Variants in KIF5C observed in about 807,000 individuals in gnomAD.
KIF5C encodes kinesin heavy chain isoform 5C.
In KIF5C, 18 loss-of-function variants were observed where a neutral mutation model predicts 125.2. That is an observed-to-expected ratio of 0.14 (90% confidence interval 0.10 to 0.21). The LOEUF (loss-of-function observed/expected upper bound fraction) is 0.21. Among genes scored for constraint, KIF5C ranks in the 10% least tolerant of loss-of-function variants. KIF5C has a pLI of 1.00. For missense variants in KIF5C, 780 were observed against 1,183.8 expected (o/e 0.66, Z 5.01); for synonymous variants, 405 against 434.0 (o/e 0.93, Z 0.83).
chr2:148,965,736 TC>T (rs1683034743), intron 11 of KIF5C, among the ~76,000 whole-genome samples: 1 of 152,162 alleles, frequency 6.6e-6, no homozygotes, highest in African/African-American at 2.4e-5. Context: ...TCTGAAAACG[TC>T]CCCAAGTGGA....
At chr2:148,998,543 T>C (rs1357041968) in intron 19 of KIF5C, 34 bp downstream of exon 19, 13 of 1,549,988 alleles carry the variant, frequency 8.4e-6, no homozygotes, top group Non-Finnish European at 1.7e-6. Flanking sequence ...GGTGTGGGGG[T>C]GGTCATGCCT....
chr2:149,021,420 C>A (rs1682531489), intron 25 of KIF5C, among the ~76,000 whole-genome samples: 1 of 150,630 alleles, frequency 6.6e-6, no homozygotes, highest in South Asian at 2.1e-4. Context: ...TTTTTCTATT[C>A]AGTTTCTGTT....
intron 1 of KIF5C, among the ~76,000 whole-genome samples, chr2:148,889,007 G>T: frequency 6.6e-6 from 1 of 152,108 alleles, no homozygotes; most frequent in Admixed American, 6.5e-5. Flanking sequence ...CTAGGTGATG[G>T]GCTAATGAGC....
At chr2:148,875,943 G>A (rs892477028) in intron 1 of KIF5C, among the ~76,000 whole-genome samples, 200 bp downstream of exon 1, 1 of 151,632 alleles carries the variant, frequency 6.6e-6, no homozygotes, top group African/African-American at 2.4e-5. Flanking sequence ...GCCGGGAGCG[G>A]CGGGCCGGGC....
At chr2:148,909,307 T>C (rs1239505620) in intron 1 of KIF5C, among the ~76,000 whole-genome samples, 5 of 152,248 alleles carry the variant, frequency 3.3e-5, no homozygotes, top group African/African-American at 9.6e-5. Context: ...CTGCCGCTGC[T>C]CTTCCCGCTG....
intron 15 of KIF5C, among the ~76,000 whole-genome samples, chr2:148,988,713 C>T (rs1691578418): frequency 6.6e-6 from 1 of 152,226 alleles, no homozygotes; most frequent in African/African-American, 2.4e-5. Context: ...TGGCAGAACA[C>T]ACTCAACTTA....
chr2:148,877,704 TGAA>T (rs987396393), intron 1 of KIF5C, among the ~76,000 whole-genome samples: 2 of 152,128 alleles, frequency 1.3e-5, no homozygotes, highest in African/African-American at 4.8e-5. Flanking sequence ...TTGAAGAGCC[TGAA>T]GAAGTTTTTC....
chr2:148,895,556 TTGTC>T (rs1681817155), intron 1 of KIF5C, among the ~76,000 whole-genome samples: 2 of 152,186 alleles, frequency 1.3e-5, no homozygotes, highest in Non-Finnish European at 2.9e-5. Context: ...CTGTATATAT[TTGTC>T]TGTGACTTAC....
intron 16 of KIF5C, among the ~76,000 whole-genome samples, chr2:148,992,710 G>A (rs1234445475): frequency 6.6e-6 from 1 of 152,216 alleles, no homozygotes; most frequent in Non-Finnish European, 1.5e-5. Flanking sequence ...ATATCAGGGG[G>A]AAATAGTCCA....
At chr2:149,001,828 G>A (rs1681860248) in intron 21 of KIF5C, among the ~76,000 whole-genome samples, 1 of 152,264 alleles carries the variant, frequency 6.6e-6, no homozygotes, top group Non-Finnish European at 1.5e-5. Flanking sequence ...CCGTTCATGG[G>A]TCATGTGGAT....
At chr2:148,988,152 T>A (rs957208538) in intron 15 of KIF5C, among the ~76,000 whole-genome samples, 9 of 148,340 alleles carry the variant, frequency 6.1e-5, no homozygotes, top group African/African-American at 2.4e-4. Flanking sequence ...AGCAGCAAAC[T>A]GATTTTTTTT....
intron 21 of KIF5C, among the ~76,000 whole-genome samples, chr2:149,003,008 G>A (rs981283787): frequency 6.6e-6 from 1 of 151,956 alleles, no homozygotes; most frequent in Non-Finnish European, 1.5e-5. Flanking sequence ...GCTGCTCCCC[G>A]CTCTCACCCT....
At chr2:148,908,861 T>A (rs934992398) in intron 1 of KIF5C, among the ~76,000 whole-genome samples, 2 of 152,210 alleles carry the variant, frequency 1.3e-5, no homozygotes, top group African/African-American at 2.4e-5. Context: ...TTTAAAAAAA[T>A]TAGACATCAC....
intron 15 of KIF5C, 69 bp from the exon 16 acceptor site, chr2:148,990,941 G>A (rs1681507637): frequency 6.6e-7 from 1 of 1,514,746 alleles, no homozygotes; most frequent in South Asian, 1.3e-5. Flanking sequence ...CCAGGGGCAG[G>A]TTTCCAGGGA....
Position 148,950,344 on chromosome 2 carries a change from A to G in KIF5C, c.850A>G (p.Met284Val). ...ACATGTGCCATACCGGGACAGCAAG[A>G]TGACTCGGATTCTTCAGGACTCTTT... is the stretch of plus-strand genomic sequence containing the variant. ...KTHVPYRDSK[M>V]TRILQDSLGG... Residue 284 changes from methionine to valine, a missense_variant, in exon 10 of 26, where the codon ATG (methionine) becomes GTG (valine). By Grantham distance (21) the Met-to-Val change is conservative (BLOSUM62 1). Coordinates refer to ENST00000435030, the MANE Select transcript of KIF5C (RefSeq NM_004522.3). 1 of 1,614,012 alleles carries G rather than the reference A, an allele frequency of 6.2e-7. No individual in the cohort carries two copies. The highest frequency in any genetic ancestry group is 1.3e-5 in the African/African-American group (1 of 75,052).
chr2:148,983,829 T>G, intron 15 of KIF5C, 63 bp downstream of exon 15: 1 of 1,476,768 alleles, frequency 6.8e-7, no homozygotes, highest in South Asian at 1.5e-5. Flanking sequence ...GTCTGTGCTT[T>G]ACTCTTTTAA....
At chr2:149,015,431 A>T (rs4076261) in intron 25 of KIF5C, among the ~76,000 whole-genome samples, 2 of 151,942 alleles carry the variant, frequency 1.3e-5, no homozygotes, top group African/African-American at 2.4e-5. Context: ...ATTCTGAAGT[A>T]TCTCTTCCCT....
chr2:148,999,005 A>C (rs574431957), intron 19 of KIF5C, among the ~76,000 whole-genome samples: 1 of 152,220 alleles, frequency 6.6e-6, no homozygotes, highest in African/African-American at 2.4e-5. Context: ...CCATGTGCTC[A>C]CTTCTTAGGG....
chr2:148,997,369 C>T (rs755304603), intron 18 of KIF5C, 29 bp downstream of exon 18: 2 of 1,613,694 alleles, frequency 1.2e-6, no homozygotes. Flanking sequence ...TCCATCAAGC[C>T]CAGTGTGCAT....
Sources: allele counts gnomAD v4.1 joint callset (sites outside exome capture counted in the v4.1 genomes callset), GRCh38; gene constraint gnomAD v4.1.1; transcripts MANE v1.5; gene names NCBI Gene and HGNC (gene_info 2026-07-23, HGNC 2026-07-21).